CTNNA2: variants seen among roughly 807,000 people sequenced by gnomAD.
CTNNA2 encodes catenin alpha-2.
Under a neutral mutation model 101.0 loss-of-function variants are expected in CTNNA2, and 42 were observed. The observed-to-expected ratio is 0.42, with a 90% CI of 0.32 to 0.54. The LOEUF (loss-of-function observed/expected upper bound fraction) is 0.54, where lower values mean the gene tolerates loss of function less well. Among genes scored for constraint, CTNNA2 ranks in the 20% least tolerant of loss-of-function variants. The pLI is 0.14. For missense variants in CTNNA2, 871 were observed against 1,223.1 expected, an observed-to-expected ratio of 0.71 and a Z score of 4.29; for synonymous variants, 450 against 456.4, an observed-to-expected ratio of 0.99 and a Z score of 0.18.
chr2:80,386,090 G>T (rs923476779), intron 7 of CTNNA2, among the ~76,000 whole-genome samples: 3 of 152,116 alleles, frequency 2.0e-5, no homozygotes, highest in Non-Finnish European at 4.4e-5. Flanking sequence ...ATCGGATAGG[G>T]CCTGGTAGTC....
At chr2:79,906,183 G>C (rs1312724355) in intron 6 of CTNNA2, among the ~76,000 whole-genome samples, 1 of 151,622 alleles carries the variant, frequency 6.6e-6, no homozygotes, top group Non-Finnish European at 1.5e-5. Context: ...ATACTGTACC[G>C]ACCCATTCAT....
chr2:80,220,497 G>T (rs891315571), intron 7 of CTNNA2, among the ~76,000 whole-genome samples: 1 of 152,336 alleles, frequency 6.6e-6, no homozygotes, highest in East Asian at 1.9e-4. Context: ...CAAGACTGGA[G>T]GACTGCTTGA....
chr2:80,574,824 C>T (rs1377547558), intron 13 of CTNNA2, among the ~76,000 whole-genome samples: 1 of 152,158 alleles, frequency 6.6e-6, no homozygotes, highest in Non-Finnish European at 1.5e-5. Flanking sequence ...ATTACCCACT[C>T]CACTATCTTC....
chr2:79,413,847 G>A (rs1308000974), intron 4 of CTNNA2, among the ~76,000 whole-genome samples: 1 of 150,544 alleles, frequency 6.6e-6, no homozygotes, highest in Admixed American at 6.7e-5. Flanking sequence ...CAAAACTATT[G>A]GCCATTTGTA....
chr2:80,302,204 T>C lies in CTNNA2; in HGVS notation c.1057-91007T>C. 2.5e-6 allele frequency: 4 copies of C among 1,575,972 alleles called. No homozygotes were observed. The highest frequency in any genetic ancestry group is 1.7e-6 in the Non-Finnish European group (2 of 1,160,234). Reference sequence around the variant, plus strand: ...CTGGTGCCCGCCGGCCCGTCCCGGCTGCCCAGGCGTATTTGGTAGCGCATG... The same window carrying C: ...CTGGTGCCCGCCGGCCCGTCCCGGCCGCCCAGGCGTATTTGGTAGCGCATG... On this transcript the variant is annotated intron_variant, in intron 7 of 18. Transcript: ENST00000402739. This position sits in a 1 kb window ranked among gnomAD's most constrained non-coding sequence, Gnocchi z 6.4.
chr2:80,217,188 A>G lies in CTNNA2; in HGVS notation c.1057-176023A>G, dbSNP rs150313390. Among the ~76,000 whole-genome samples, 125 of 152,252 alleles carry G rather than the reference A, an allele frequency of 8.2e-4. No homozygotes were observed. In the East Asian group the frequency reaches 0.023, roughly 28 times the overall value. ...ATAATGAACCAGATGAATAGTTTCTATGTAGCTTTTGAAGCAAACACTACA... is the reference window on the plus strand; with the variant it reads ...ATAATGAACCAGATGAATAGTTTCTGTGTAGCTTTTGAAGCAAACACTACA... On this transcript the variant is annotated intron_variant, in intron 7 of 18. Transcript: ENST00000402739.
intron 7 of CTNNA2, among the ~76,000 whole-genome samples, chr2:80,180,941 T>A (rs535062486): frequency 6.6e-6 from 1 of 152,364 alleles, no homozygotes; most frequent in South Asian, 2.1e-4. Flanking sequence ...CCCTGCTTAG[T>A]GGACCCAAAT....
intron 1 of CTNNA2, among the ~76,000 whole-genome samples, chr2:79,567,190 A>C (rs1037161139): frequency 2.6e-5 from 4 of 152,168 alleles, no homozygotes; most frequent in African/African-American, 9.7e-5. Context: ...TGATTGCATG[A>C]GGGCAATTTA....
At chr2:80,022,142 C>G (rs554288916) in intron 7 of CTNNA2, among the ~76,000 whole-genome samples, 1 of 152,286 alleles carries the variant, frequency 6.6e-6, no homozygotes, top group East Asian at 1.9e-4. Context: ...GCTGACAGCA[C>G]CGGTCATTGA....
At chr2:80,484,090 G>T (rs756053936) in intron 9 of CTNNA2, among the ~76,000 whole-genome samples, 3 of 152,080 alleles carry the variant, frequency 2.0e-5, no homozygotes, top group Non-Finnish European at 4.4e-5. Flanking sequence ...AGTCCATTAT[G>T]AGTTAGAAAT....
intron 15 of CTNNA2, chr2:80,601,948 T>C (rs1697582884): frequency 6.6e-6 from 1 of 152,158 alleles, no homozygotes; most frequent in East Asian, 1.9e-4. Flanking sequence ...AGAAAAAAAG[T>C]GTACTAAATT....
intron 3 of CTNNA2, among the ~76,000 whole-genome samples, chr2:79,748,492 A>G (rs1294479254): frequency 6.6e-6 from 1 of 152,074 alleles, no homozygotes; most frequent in African/African-American, 2.4e-5. Context: ...TAGTTTTACT[A>G]TTGCATTGTT....
At chr2:80,096,835 CT>C (rs1217207618) in intron 7 of CTNNA2, among the ~76,000 whole-genome samples, 1 of 152,000 alleles carries the variant, frequency 6.6e-6, no homozygotes, top group African/African-American at 2.4e-5. Flanking sequence ...CAACCCCTGC[CT>C]TTTTTTCTTT....
intron 1 of CTNNA2, among the ~76,000 whole-genome samples, chr2:79,543,289 C>T (rs1481754775): frequency 1.3e-5 from 2 of 152,220 alleles, no homozygotes; most frequent in Non-Finnish European, 2.9e-5. Context: ...ACAAAGCAAT[C>T]GTTATGAGCT....
chr2:79,918,295 A>G (rs923649951), intron 7 of CTNNA2, among the ~76,000 whole-genome samples: 8 of 152,204 alleles, frequency 5.3e-5, no homozygotes, highest in African/African-American at 1.9e-4. Context: ...AAATGACAAG[A>G]AAGTAATTAA....
intron 2 of CTNNA2, among the ~76,000 whole-genome samples, chr2:79,743,909 A>G (rs945088927): frequency 1.3e-5 from 2 of 152,174 alleles, no homozygotes; most frequent in Admixed American, 6.5e-5. Context: ...AAAATAACAC[A>G]TAAGTACCGG....
At chr2:79,418,349 G>A (rs917640587) in intron 4 of CTNNA2, among the ~76,000 whole-genome samples, 1 of 152,078 alleles carries the variant, frequency 6.6e-6, no homozygotes, top group Admixed American at 6.6e-5. Context: ...TACAAAGGTG[G>A]TTGGTTGAGT....
At chr2:79,701,303 G>A (rs186969103) in intron 2 of CTNNA2, among the ~76,000 whole-genome samples, 1 of 152,232 alleles carries the variant, frequency 6.6e-6, no homozygotes, top group East Asian at 1.9e-4. Context: ...ACAATTTGAT[G>A]TCAGGGTCTT....
At chr2:79,946,796 G>C (rs1688525459) in intron 7 of CTNNA2, among the ~76,000 whole-genome samples, 1 of 152,154 alleles carries the variant, frequency 6.6e-6, no homozygotes, top group Non-Finnish European at 1.5e-5. Flanking sequence ...TGAATTGACA[G>C]AGATTTATTT....
Sources: gnomAD v4.1 joint callset for allele counts (sites outside exome capture counted in the v4.1 genomes callset) on GRCh38, gnomAD v4.1.1 for gene constraint, Gnocchi (gnomAD v3.1) non-coding constraint, MANE v1.5 for transcripts, NCBI Gene and HGNC (gene_info 2026-07-23, HGNC 2026-07-21) for gene names.